The following C1QTNF8 variants were observed in gnomAD, a reference collection of about 807,000 sequenced individuals.
The protein encoded by C1QTNF8 is C1q and TNF related 8.
A neutral mutation model predicts 19.2 loss-of-function variants in C1QTNF8; 27 were observed. That is an observed-to-expected ratio of 1.41 (90% CI 1.04 to 1.94). The LOEUF is 1.94. Ranked by LOEUF, C1QTNF8 falls within the 30% of genes most tolerant of loss-of-function variation. The probability of loss-of-function intolerance (pLI) is 0.00; values close to 1 mark genes in which losing one functional copy is unlikely to be tolerated. For missense variants in C1QTNF8, 484 were observed against 374.4 expected, an observed-to-expected ratio of 1.29 and a Z score of -2.42; for synonymous variants, 208 against 172.8, an observed-to-expected ratio of 1.20 and a Z score of -1.60.
chr16:1,095,421 G>A (rs1030291883), intron 2 of C1QTNF8, among the ~76,000 whole-genome samples, 194 bp downstream of exon 2: 4 of 152,196 alleles, frequency 2.6e-5, no homozygotes, highest in Admixed American at 1.3e-4. Flanking sequence ...CTCTCGTCCG[G>A]AGCCCCCAGG....
chr16:1,093,447 C>T (rs1421046852), intron 4 of C1QTNF8, 50 bp downstream of exon 4: 1 of 1,327,282 alleles, frequency 7.5e-7, no homozygotes, highest in Non-Finnish European at 9.8e-7. Context: ...CACACAGACA[C>T]ACACACACAC....
At chr16:1,093,385 C>CCA in intron 4 of C1QTNF8, 112 bp downstream of exon 4, 2 of 416,790 alleles carry the variant, frequency 4.8e-6, no homozygotes, top group Non-Finnish European at 8.4e-6. Context: ...CCCACCCCAC[C>CCA]ACACCCACAC....
chr16:1,089,641 T>A lies in C1QTNF8; in HGVS notation c.*958A>T, dbSNP rs1260662378. Among the ~76,000 whole-genome samples the A allele has an allele frequency of 6.6e-6, 1 of 152,176 alleles. No homozygotes were observed. The highest frequency in any genetic ancestry group is 1.5e-5 in the Non-Finnish European group (1 of 68,012). On this transcript the variant is annotated 3_prime_UTR_variant, in exon 5 of 5. Coordinates refer to ENST00000328449, the MANE Select transcript of C1QTNF8 (RefSeq NM_207419.3). ...TGGGTGTCCTCACTTGGGAACGGGCTGAGTGAGCACAAGGCTCCCCAGAGT... is the reference window on the plus strand; with the variant it reads ...TGGGTGTCCTCACTTGGGAACGGGCAGAGTGAGCACAAGGCTCCCCAGAGT...
intron 2 of C1QTNF8, among the ~76,000 whole-genome samples, chr16:1,095,283 A>G (rs7206290): frequency 0.26 from 39,978 of 152,202 alleles, 8,375 homozygotes; most frequent in African/African-American, 0.58. Flanking sequence ...GGCCCCACCC[A>G]CTGTGGCTGG....
rs372799272 is a variant in C1QTNF8 at position 1,093,538 on chromosome 16, A to C, written c.722T>G (p.Phe241Cys). 54 of 1,564,270 alleles carry C rather than the reference A, an allele frequency of 3.5e-5. No homozygotes were observed. In the African/African-American group the frequency reaches 6.4e-4, roughly 19 times the overall value. Reference protein sequence around the residue: ...YGEHGDLYITFSGHLVKPAAE... With the variant: ...YGEHGDLYITCSGHLVKPAAE... Reference sequence around the variant, plus strand: ...GGCCGGCTTGACCAGGTGGCCGCTGAAGGTGATGTAGAGGTCTCCGTGCTC... The same window carrying C: ...GGCCGGCTTGACCAGGTGGCCGCTGCAGGTGATGTAGAGGTCTCCGTGCTC... Residue 241 changes from phenylalanine (F) to cysteine (C), a missense_variant, in exon 4 of 5, where the codon TTC becomes TGC. Phe to Cys is a radical substitution (Grantham distance 205, BLOSUM62 -2). Coordinates refer to ENST00000328449, the MANE Select transcript of C1QTNF8 (RefSeq NM_207419.3).
Position 1,094,053 on chromosome 16 carries a change from T to A in C1QTNF8, c.209-2A>T, listed in dbSNP as rs780157312. 3.5e-6 allele frequency: 5 copies of A among 1,444,858 alleles called. No individual in the cohort carries two copies. Among genetic ancestry groups the A allele is most frequent in the Non-Finnish European group, 4.5e-6 (5 of 1,113,794 alleles). 89.5% of individuals were successfully genotyped at this position (1,444,858 alleles called of 1,614,324 possible). On this transcript the variant is annotated splice_acceptor_variant, in intron 3 of 4. Coordinates refer to ENST00000328449, the MANE Select transcript of C1QTNF8 (RefSeq NM_207419.3). LOFTEE classifies it high-confidence loss of function. ...GGACGCCGGCCTCACCCTTCTCACC[T>A]GCAGGGGACAAACGAAAGCCACGGG...
chr16:1,088,430 G>A lies in C1QTNF8; in HGVS notation c.*2169C>T, dbSNP rs1960479052. ...CGGGGGTGCCCGGTGCGGTTCTGAT[G>A]GGGTGGCTCCCCCTTGTCTCCTAAG... is the stretch of plus-strand genomic sequence containing the variant. On this transcript the variant is annotated 3_prime_UTR_variant, in exon 5 of 5. Coordinates refer to ENST00000328449, the MANE Select transcript of C1QTNF8 (RefSeq NM_207419.3). Among the ~76,000 whole-genome samples the A allele has an allele frequency of 6.6e-6, 1 of 152,178 alleles. No individual in the cohort carries two copies. The highest frequency in any genetic ancestry group is 1.5e-5 in the Non-Finnish European group (1 of 68,024).
rs192691009 is a variant in C1QTNF8 at position 1,091,054 on chromosome 16, C to A, written c.*5-460G>T. The stretch of plus-strand genomic sequence containing the variant: ...GAGATTGGTCAGTACTGGTGGGGGC[C>A]CCTGTGGGGAGGGAGTGGGGGCAGG... On this transcript the variant is annotated intron_variant, in intron 4 of 4. Coordinates refer to ENST00000328449, the MANE Select transcript of C1QTNF8 (RefSeq NM_207419.3). Among the ~76,000 whole-genome samples, 808 of 152,226 alleles carry A rather than the reference C, an allele frequency of 5.3e-3. 3 individuals are homozygous for A. The highest frequency in any genetic ancestry group is 7.8e-3 in the Non-Finnish European group (532 of 67,992).
intron 4 of C1QTNF8, 28 bp downstream of exon 4, chr16:1,093,469 C>CGCGT (rs1960605992): frequency 6.8e-7 from 1 of 1,465,918 alleles, no homozygotes; most frequent in South Asian, 1.4e-5. Flanking sequence ...CGCGCGCGCG[C>CGCGT]CCGGTGCTCA....
Position 1,089,411 on chromosome 16 carries a change from G to C in C1QTNF8, c.*1188C>G, listed in dbSNP as rs887844653. Among the ~76,000 whole-genome samples the C allele has an allele frequency of 6.6e-6, 1 of 152,178 alleles. No individual in the cohort carries two copies. Among genetic ancestry groups the C allele is most frequent in the African/African-American group, 2.4e-5 (1 of 41,452 alleles). On this transcript the variant is annotated 3_prime_UTR_variant, in exon 5 of 5. Transcript: ENST00000328449. ...CCGTGCAGCTGTCCTCCGGGGCCTG[G>C]ACACCAAGGGCTCGGCTCTGGGCAG...
At chr16:1,090,778 G>C (rs1164094168) in intron 4 of C1QTNF8, among the ~76,000 whole-genome samples, 184 bp from the exon 5 acceptor site, 1 of 152,216 alleles carries the variant, frequency 6.6e-6, no homozygotes, top group Non-Finnish European at 1.5e-5. Context: ...CCAGTGGTGG[G>C]TGGTGGGGAT....
intron 4 of C1QTNF8, among the ~76,000 whole-genome samples, chr16:1,092,082 A>T (rs1960557306): frequency 6.6e-6 from 1 of 152,188 alleles, no homozygotes; most frequent in African/African-American, 2.4e-5. Context: ...CCCCATGAGG[A>T]GGCACCCAGC....
chr16:1,094,553 G>C (rs1234234698), intron 3 of C1QTNF8, 162 bp downstream of exon 3: 11 of 511,382 alleles, frequency 2.2e-5, no homozygotes, highest in Non-Finnish European at 3.6e-5. Flanking sequence ...TCCTGCTTGC[G>C]GGGGGAGCCC....
intron 2 of C1QTNF8, among the ~76,000 whole-genome samples, chr16:1,095,139 C>G (rs1050550054): frequency 2.6e-5 from 4 of 152,228 alleles, no homozygotes; most frequent in Non-Finnish European, 2.9e-5. Context: ...ACCAGGCACC[C>G]TGCACACCTG....
rs780061067 is a variant in C1QTNF8, at chr16:1,093,994, G to C, written c.266C>G (p.Pro89Arg). ...GRAGRSGKEGPPGARGLQGRR... is the reference protein window; with the variant it reads ...GRAGRSGKEGRPGARGLQGRR... ...GCCCTGCAGGCCCCGGGCGCCTGGCGGCCCCTCTTTCCCGCTCCTGCCGGC... is the reference window on the plus strand; with the variant it reads ...GCCCTGCAGGCCCCGGGCGCCTGGCCGCCCCTCTTTCCCGCTCCTGCCGGC... Residue 89 changes from proline (P) to arginine (R), a missense_variant, in exon 4 of 5, where the codon CCG becomes CGG. Transcript: ENST00000328449. 1.8e-5 allele frequency: 26 copies of C among 1,477,946 alleles called. No homozygotes were observed. In the South Asian group the frequency reaches 3.4e-4, roughly 19 times the overall value. The allele number at this position is 1,477,946 out of a possible 1,614,324, so 91.6% of individuals were successfully genotyped here.
At position 1,093,998 on chromosome 16, in the gene C1QTNF8, C is replaced by T. The variant is rs762062098; in HGVS notation, c.262G>A (p.Gly88Arg). ...TGCAGGCCCCGGGCGCCTGGCGGCC[C>T]CTCTTTCCCGCTCCTGCCGGCCCGA... is the stretch of plus-strand genomic sequence containing the variant. ...RGRAGRSGKE[G>R]PPGARGLQGR... Residue 88 changes from glycine to arginine, a missense_variant, in exon 4 of 5, where the codon GGG becomes AGG. Physicochemically the swap from Gly to Arg is moderately radical, Grantham distance 125. Transcript: ENST00000328449. 37 of 1,481,914 alleles carry T rather than the reference C, an allele frequency of 2.5e-5. No individual in the cohort carries two copies. The highest frequency in any genetic ancestry group is 3.2e-5 in the Non-Finnish European group (36 of 1,132,990). 91.8% of individuals were successfully genotyped at this position (1,481,914 alleles called of 1,614,324 possible). A position where few individuals can be genotyped will look rare whatever the true frequency, so the allele number is the denominator to read the frequency against.
chr16:1,091,215 A>T (rs1020926774), intron 4 of C1QTNF8, among the ~76,000 whole-genome samples: 1 of 152,122 alleles, frequency 6.6e-6, no homozygotes, highest in Non-Finnish European at 1.5e-5. Flanking sequence ...ATGGGCCCCC[A>T]TGAGCCCACG....
intron 2 of C1QTNF8, 41 bp downstream of exon 2, chr16:1,095,574 C>T (rs1395076197): frequency 6.6e-6 from 1 of 152,272 alleles, no homozygotes; most frequent in Non-Finnish European, 1.5e-5. Context: ...CAGCAGCTGC[C>T]CCAACAAGCC....
In C1QTNF8 at chr16:1,093,807, C is replaced by T. The variant is rs1342598549; in HGVS notation, c.453G>A (p.Leu151=). Residue 151 remains leucine, a synonymous_variant, in exon 4 of 5, where the codon CTG becomes CTA. Transcript: ENST00000328449. ...CCGTGCAGAGGAAGCGGCCCGCGGC[C>T]AGGTCGAAGGCGCCGTCCAGGTTCA... ...ELVNLDGAFD[L]AAGRFLCTVP... is the part of the protein sequence containing the mutation. The T allele has an allele frequency of 6.2e-7, 1 of 1,610,778 alleles. No homozygotes were observed. Among genetic ancestry groups the T allele is most frequent in the African/African-American group, 1.3e-5 (1 of 74,914 alleles).
Sources: gnomAD v4.1 joint callset for allele counts (sites outside exome capture counted in the v4.1 genomes callset) on GRCh38, gnomAD v4.1.1 for gene constraint, MANE v1.5 for transcripts, NCBI Gene and HGNC (gene_info 2026-07-23, HGNC 2026-07-21) for gene names.